The following OCA2 variants were observed in gnomAD, a reference collection of about 807,000 sequenced individuals.
OCA2 encodes OCA2 melanosomal transmembrane protein.
A neutral mutation model predicts 100.2 loss-of-function variants in OCA2; 77 were observed. The observed-to-expected ratio is 0.77, with a 90% CI of 0.64 to 0.93. The LOEUF (loss-of-function observed/expected upper bound fraction) is 0.93, where lower values mean the gene tolerates loss of function less well. OCA2 is among the 40% of genes least tolerant of loss of function. The pLI, the probability that OCA2 is intolerant of heterozygous loss-of-function variation, is 0.00. For missense variants in OCA2, 1,062 were observed against 1,089.1 expected (o/e 0.98, Z 0.35); for synonymous variants, 432 against 439.2 (o/e 0.98, Z 0.21).
At chr15:28,082,752 C>T (rs1417400473) in intron 1 of OCA2, among the ~76,000 whole-genome samples, 3 of 152,128 alleles carry the variant, frequency 2.0e-5, no homozygotes, top group East Asian at 1.9e-4. Context: ...AAAGTGCCCA[C>T]GGGGGTCCTT....
chr15:27,979,495 C>G (rs2041076532), intron 14 of OCA2, among the ~76,000 whole-genome samples: 1 of 152,094 alleles, frequency 6.6e-6, no homozygotes, highest in Non-Finnish European at 1.5e-5. Context: ...CATTTCTTTG[C>G]TTCCTTTTGC....
At chr15:27,921,326 A>G (rs1046021440) in intron 19 of OCA2, among the ~76,000 whole-genome samples, 1 of 152,060 alleles carries the variant, frequency 6.6e-6, no homozygotes, top group Non-Finnish European at 1.5e-5. Flanking sequence ...AGAAAAAAAA[A>G]CTATCAGGGA....
intron 14 of OCA2, among the ~76,000 whole-genome samples, chr15:27,969,242 A>G (rs77881508): frequency 2.0e-5 from 3 of 152,028 alleles, no homozygotes; most frequent in Non-Finnish European, 2.9e-5. Context: ...AAAAAAAAAA[A>G]GTAAGGAGGT....
At chr15:27,784,347 C>T (rs1308176017) in intron 23 of OCA2, among the ~76,000 whole-genome samples, 1 of 152,144 alleles carries the variant, frequency 6.6e-6, no homozygotes, top group African/African-American at 2.4e-5. Flanking sequence ...CCAAGTCCTC[C>T]TGGCTAGCCT....
chr15:27,756,913 T>C (rs7164752), intron 23 of OCA2, among the ~76,000 whole-genome samples: 97,299 of 152,126 alleles, frequency 0.64, 31,410 homozygotes, highest in East Asian at 0.72. Flanking sequence ...ACTGATGTCT[T>C]GAGGATGGCA....
chr15:28,067,924 A>G (rs1595902265), intron 2 of OCA2, among the ~76,000 whole-genome samples: 1 of 152,304 alleles, frequency 6.6e-6, no homozygotes, highest in Middle Eastern at 3.4e-3. Context: ...TAACACTGTC[A>G]ATAGGGTGTT....
chr15:28,009,221 G>T (rs1345477544), intron 9 of OCA2, among the ~76,000 whole-genome samples: 1 of 152,120 alleles, frequency 6.6e-6, no homozygotes, highest in African/African-American at 2.4e-5. Context: ...TCCACATCAA[G>T]TTACAGACAC....
At chr15:27,871,604 G>A (rs1017950554) in intron 20 of OCA2, among the ~76,000 whole-genome samples, 1 of 152,220 alleles carries the variant, frequency 6.6e-6, no homozygotes, top group African/African-American at 2.4e-5. Flanking sequence ...CATTTACTGA[G>A]GCTGGTGTCA....
intron 23 of OCA2, among the ~76,000 whole-genome samples, chr15:27,794,671 A>G (rs1157740732): frequency 6.6e-6 from 1 of 152,172 alleles, no homozygotes; most frequent in Admixed American, 6.5e-5. Context: ...AAGTATATAC[A>G]TGCATGAAAT....
chr15:28,004,202 T>C (rs546350983), intron 9 of OCA2, among the ~76,000 whole-genome samples: 16 of 152,288 alleles, frequency 1.1e-4, no homozygotes, highest in African/African-American at 3.8e-4. Flanking sequence ...CTGTGCACAA[T>C]AGACAGCAGA....
the OCA2 span, among the ~76,000 whole-genome samples, chr15:27,739,985 G>A: frequency 1.3e-5 from 2 of 152,106 alleles, no homozygotes; most frequent in Non-Finnish European, 2.9e-5. Context: ...ATTTCCCTCA[G>A]CACACTACTG....
chr15:27,814,161 G>C (rs80344354), intron 23 of OCA2, among the ~76,000 whole-genome samples: 3,168 of 152,028 alleles, frequency 0.021, 45 homozygotes, highest in Non-Finnish European at 0.029. Flanking sequence ...ATTTAACTAT[G>C]TATTTGTACC....
intron 19 of OCA2, among the ~76,000 whole-genome samples, chr15:27,900,299 T>C (rs1477965464): frequency 6.6e-6 from 1 of 152,078 alleles, no homozygotes; most frequent in African/African-American, 2.4e-5. Context: ...ACTGCGCACA[T>C]GCACCCAGAG....
chr15:27,938,251 C>T (rs766862797), intron 18 of OCA2, among the ~76,000 whole-genome samples: 23 of 152,184 alleles, frequency 1.5e-4, no homozygotes, highest in Non-Finnish European at 2.9e-4. Flanking sequence ...GTGCATGTAG[C>T]TGTGCAGGAG....
chr15:28,041,648 A>C (rs567875057), intron 2 of OCA2, among the ~76,000 whole-genome samples: 194 of 152,370 alleles, frequency 1.3e-3, no homozygotes, highest in African/African-American at 4.4e-3. Context: ...TTTTAAAATC[A>C]TTAGGATTAA....
At chr15:27,871,353 G>A in intron 20 of OCA2, 95 bp from the exon 21 acceptor site, 1 of 880,880 alleles carries the variant, frequency 1.1e-6, no homozygotes, top group Admixed American at 1.9e-5. Context: ...GAGGGTGTTA[G>A]TCCTTCCTCT....
chr15:27,763,590 T>C (rs1282863816), intron 23 of OCA2, among the ~76,000 whole-genome samples: 1 of 152,118 alleles, frequency 6.6e-6, no homozygotes, highest in Non-Finnish European at 1.5e-5. Context: ...GCGGCTGCTG[T>C]GAGTGGTTGC....
rs538373863 is a variant in OCA2 at position 27,889,621 on chromosome 15, T to C, written c.2080-17699A>G. On this transcript the variant is annotated intron_variant, in intron 19 of 23. Transcript: ENST00000354638. ...CCAGTGCCCATCCGTCATGGGGCATTTGTTCAACATCAAAGCCTCACTGCC... is the reference window on the plus strand; with the variant it reads ...CCAGTGCCCATCCGTCATGGGGCATCTGTTCAACATCAAAGCCTCACTGCC... 3.2e-4 allele frequency among the ~76,000 whole-genome samples: 48 copies of C among 152,316 alleles called. 1 individual carries two copies. In the South Asian group the frequency reaches 9.3e-3, roughly 30 times the overall value.
intron 19 of OCA2, among the ~76,000 whole-genome samples, chr15:27,909,185 C>T (rs113848958): frequency 0.017 from 2,592 of 152,152 alleles, 75 homozygotes; most frequent in African/African-American, 0.059. Flanking sequence ...TTTTATAATA[C>T]CTTTAACAAA....
Sources: gnomAD v4.1 joint callset for allele counts (sites outside exome capture counted in the v4.1 genomes callset) on GRCh38, gnomAD v4.1.1 for gene constraint, MANE v1.5 for transcripts, NCBI Gene and HGNC (gene_info 2026-07-23, HGNC 2026-07-21) for gene names.